The following TNFSF8 variants were observed in gnomAD, a reference collection of about 807,000 sequenced individuals.
TNFSF8 encodes the protein tumor necrosis factor ligand superfamily member 8.
TNFSF8 carries 4 observed loss-of-function variants against 22.0 expected under a neutral mutation model. That is an observed-to-expected ratio of 0.18 (90% CI 0.09 to 0.42). The LOEUF is 0.42. Among genes scored for constraint, TNFSF8 ranks in the 10% least tolerant of loss-of-function variants. The pLI is 1.00. For missense variants in TNFSF8, 233 were observed against 281.8 expected (o/e 0.83, Z 1.24); for synonymous variants, 106 against 112.5 (o/e 0.94, Z 0.37).
At chr9:114,897,125 C>A (rs1035288596), downstream of TNFSF8, among the ~76,000 whole-genome samples, 1 of 152,030 alleles carries the variant, frequency 6.6e-6, no homozygotes, top group African/African-American at 2.4e-5. Flanking sequence ...GGTCTCGAAC[C>A]CCTGACCTCA....
At chr9:114,894,141 G>T (rs1408737692) in exon 5 of TNFSF8, 3 of 1,535,154 alleles carry the variant, frequency 2.0e-6, no homozygotes, top group Non-Finnish European at 2.6e-6. Flanking sequence ...GAGTGTGAAT[G>T]GTGGAGGATC....
chr9:114,914,033 A>G (rs1255415732), intron 2 of TNFSF8, among the ~76,000 whole-genome samples: 2 of 152,184 alleles, frequency 1.3e-5, no homozygotes, highest in Non-Finnish European at 2.9e-5. Flanking sequence ...CAGAGGTGAG[A>G]TCAAAGGACC....
downstream of TNFSF8, among the ~76,000 whole-genome samples, chr9:114,900,234 AG>A (rs1827700800): frequency 6.6e-6 from 1 of 152,206 alleles, no homozygotes; most frequent in Admixed American, 6.5e-5. Flanking sequence ...CTGTCAGACA[AG>A]GGAGCCTCCC....
intron 2 of TNFSF8, among the ~76,000 whole-genome samples, chr9:114,911,331 C>T (rs973444747): frequency 5.3e-5 from 8 of 152,222 alleles, no homozygotes; most frequent in South Asian, 2.1e-4. Context: ...TCTGCATCTG[C>T]CATGCCCTGG....
downstream of TNFSF8, among the ~76,000 whole-genome samples, chr9:114,896,761 GA>G (rs1412732457): frequency 6.6e-6 from 1 of 152,144 alleles, no homozygotes; most frequent in Non-Finnish European, 1.5e-5. Flanking sequence ...ACCTTGCTCA[GA>G]AAAGGGGTTC....
chr9:114,894,225 CGTT>C, intron 4 of TNFSF8: 1 of 1,414,722 alleles, frequency 7.1e-7, no homozygotes. Flanking sequence ...TACATTTTGA[CGTT>C]GTTGTTACTC....
chr9:114,908,077 A>G (rs1245906579), intron 2 of TNFSF8, among the ~76,000 whole-genome samples: 2 of 152,184 alleles, frequency 1.3e-5, no homozygotes, highest in Admixed American at 6.5e-5. Flanking sequence ...CTCCTTCACC[A>G]GGCAAGTTTT....
chr9:114,897,893 C>A (rs966099596), downstream of TNFSF8, among the ~76,000 whole-genome samples: 3 of 152,106 alleles, frequency 2.0e-5, no homozygotes, highest in Non-Finnish European at 4.4e-5. Context: ...TGGAGTTAGG[C>A]AAACTTGGTC....
chr9:114,930,017 C>T (rs1015508901), intron 1 of TNFSF8, 92 bp downstream of exon 1: 4 of 1,026,072 alleles, frequency 3.9e-6, no homozygotes, highest in Non-Finnish European at 5.4e-6. Flanking sequence ...ATTTTGTGCT[C>T]TTAACCAACA....
At chr9:114,919,973 GA>G (rs1022534462) in intron 1 of TNFSF8, among the ~76,000 whole-genome samples, 8 of 152,176 alleles carry the variant, frequency 5.3e-5, no homozygotes, top group African/African-American at 1.9e-4. Flanking sequence ...CAGGGGAAGG[GA>G]GGCAAACTTG....
intron 2 of TNFSF8, among the ~76,000 whole-genome samples, chr9:114,914,516 G>A (rs1342830237): frequency 1.3e-5 from 2 of 152,176 alleles, no homozygotes; most frequent in Non-Finnish European, 2.9e-5. Context: ...AGAAGGATGA[G>A]CTTCACTCTC....
intron 3 of TNFSF8, 70 bp downstream of exon 3, chr9:114,905,758 G>T: frequency 8.2e-7 from 1 of 1,226,154 alleles, no homozygotes; most frequent in Non-Finnish European, 1.2e-6. Flanking sequence ...ATGACTTCTG[G>T]CTTAAAAGTT....
chr9:114,910,433 C>T (rs766668896), intron 2 of TNFSF8, among the ~76,000 whole-genome samples: 3 of 152,164 alleles, frequency 2.0e-5, no homozygotes, highest in African/African-American at 4.8e-5. Flanking sequence ...CAAGACTCCA[C>T]AGTAGGTAAA....
At chr9:114,919,552 C>G (rs1827962057) in intron 1 of TNFSF8, among the ~76,000 whole-genome samples, 1 of 152,134 alleles carries the variant, frequency 6.6e-6, no homozygotes. Flanking sequence ...CAATATTCTG[C>G]CAATAAGGAA....
At position 114,930,308 on chromosome 9, in the gene TNFSF8, T is replaced by A; in HGVS notation, c.-5A>T. The A allele has an allele frequency of 6.5e-7, 1 of 1,533,656 alleles. No individual in the cohort carries two copies. Among genetic ancestry groups the A allele is most frequent in the Non-Finnish European group, 8.8e-7 (1 of 1,138,428 alleles). On this transcript the variant is annotated 5_prime_UTR_variant, in exon 1 of 4. An upstream open reading frame in the 5' UTR gains an earlier in-frame stop. Coordinates refer to ENST00000223795, the MANE Select transcript of TNFSF8 (RefSeq NM_001244.4). ...TTGCTGCAGCCCTGGGTCCATTCTTTATATAGTCTTCCCCACATCACACCT... is the reference window on the plus strand; with the variant it reads ...TTGCTGCAGCCCTGGGTCCATTCTTAATATAGTCTTCCCCACATCACACCT...
intron 2 of TNFSF8, among the ~76,000 whole-genome samples, chr9:114,909,506 G>A (rs1383442361): frequency 6.6e-6 from 1 of 152,180 alleles, no homozygotes; most frequent in African/African-American, 2.4e-5. Context: ...AAAAGTAATT[G>A]TGGTTTTGGC....
chr9:114,919,253 C>G (rs1587938170), intron 1 of TNFSF8, among the ~76,000 whole-genome samples: 1 of 151,898 alleles, frequency 6.6e-6, no homozygotes, highest in African/African-American at 2.4e-5. Context: ...CATACAAATG[C>G]ATATTATATA....
intron 2 of TNFSF8, among the ~76,000 whole-genome samples, 175 bp from the exon 3 acceptor site, chr9:114,906,074 A>AT (rs1827781428): frequency 6.6e-6 from 1 of 152,144 alleles, no homozygotes; most frequent in African/African-American, 2.4e-5. Flanking sequence ...TAGGATTTTA[A>AT]TTTTTTAAAT....
At chr9:114,920,693 G>T (rs1827976399) in intron 1 of TNFSF8, among the ~76,000 whole-genome samples, 2 of 152,002 alleles carry the variant, frequency 1.3e-5, no homozygotes. Context: ...TTTTGAGATG[G>T]AGCCTCACTC....
Sources: allele counts gnomAD v4.1 joint callset (sites outside exome capture counted in the v4.1 genomes callset), GRCh38; gene constraint gnomAD v4.1.1; transcripts MANE v1.5; gene names NCBI Gene and HGNC (gene_info 2026-07-23, HGNC 2026-07-21).